Variants in KCNJ13 observed in about 807,000 individuals in gnomAD.
KCNJ13 encodes potassium inwardly rectifying channel subfamily J member 13.
In KCNJ13, 9 loss-of-function variants were observed where a neutral mutation model predicts 24.6. The observed-to-expected ratio is 0.37, with a 90% confidence interval of 0.22 to 0.64. KCNJ13 has a LOEUF of 0.64. Among genes scored for constraint, KCNJ13 ranks in the 30% least tolerant of loss-of-function variants. KCNJ13 has a pLI of 0.64. For synonymous variants in KCNJ13, 148 were observed against 154.7 expected, an observed-to-expected ratio of 0.96 and a Z score of 0.32; for missense variants, 337 against 443.8, an observed-to-expected ratio of 0.76 and a Z score of 2.16.
chr2:232,768,896 T>A (rs1231049949), intron 2 of KCNJ13, 83 bp from the exon 3 acceptor site: 10 of 1,207,974 alleles, frequency 8.3e-6, no homozygotes, highest in Non-Finnish European at 1.0e-5. Flanking sequence ...GTATATCAAA[T>A]ATTTACACAT....
At position 232,768,710 on chromosome 2, in the gene KCNJ13, G is replaced by A. The variant is rs1699085467; in HGVS notation, c.564C>T (p.Ile188=). The A allele has an allele frequency of 1.2e-6, 2 of 1,603,642 alleles. No individual in the cohort carries two copies. Among genetic ancestry groups the A allele is most frequent in the Non-Finnish European group, 1.7e-6 (2 of 1,171,892 alleles). The change falls in exon 3 of 3, where the codon ATC becomes ATT. Residue 188 remains isoleucine, a synonymous_variant. Coordinates refer to ENST00000233826, the MANE Select transcript of KCNJ13 (RefSeq NM_002242.4). The part of the protein sequence containing the change: ...VAHMDGKPNL[I]FQVANTRPSP... ...TAGGTCGGGTGTTGGCCACTTGGAA[G>A]ATAAGATTAGGTTTGCCATCCATGT... is the stretch of plus-strand genomic sequence containing the variant.
At position 232,765,872 on chromosome 2, in the gene KCNJ13, T is replaced by C; in HGVS notation, c.*2319A>G. 2.1e-6 allele frequency: 1 copy of C among 465,558 alleles called. No homozygotes were observed. The allele number at this position is 465,558 out of a possible 1,614,324, so 28.8% of individuals were successfully genotyped here. On this transcript the variant is annotated 3_prime_UTR_variant, in exon 3 of 3. Transcript: ENST00000233826. ...CGACATGCCTCCAGTTTGTTGAAACTGTCATGCTATCTTTATCAGTTTCCA... is the reference window on the plus strand; with the variant it reads ...CGACATGCCTCCAGTTTGTTGAAACCGTCATGCTATCTTTATCAGTTTCCA...
chr2:232,771,574 A>C, intron 1 of KCNJ13, 196 bp from the exon 2 acceptor site: 1 of 510,734 alleles, frequency 2.0e-6, no homozygotes, highest in Non-Finnish European at 3.5e-6. Context: ...GTTACCTTAA[A>C]ATATCTCTTC....
chr2:232,766,187 T>A lies in KCNJ13; in HGVS notation c.*2004A>T, dbSNP rs1349844042. On this transcript the variant is annotated 3_prime_UTR_variant, in exon 3 of 3. Coordinates refer to ENST00000233826, the MANE Select transcript of KCNJ13 (RefSeq NM_002242.4). Reference sequence around the variant, plus strand: ...AAACTTTCTATCTCCTGCAAAAAAGTTTTGGATCACGTTTCTTATAGATTT... The same window carrying A: ...AAACTTTCTATCTCCTGCAAAAAAGATTTGGATCACGTTTCTTATAGATTT... Among the ~76,000 whole-genome samples the A allele has an allele frequency of 6.6e-6, 1 of 152,220 alleles. No individual in the cohort carries two copies. The highest frequency in any genetic ancestry group is 1.5e-5 in the Non-Finnish European group (1 of 68,028).
chr2:232,774,377 A>G (rs1699421734), intron 1 of KCNJ13, among the ~76,000 whole-genome samples: 1 of 152,180 alleles, frequency 6.6e-6, no homozygotes, highest in Admixed American at 6.6e-5. Flanking sequence ...GTTAGGAAAG[A>G]CTTCTTTCAA....
At chr2:232,773,794 ATTG>A (rs1293734657) in intron 1 of KCNJ13, among the ~76,000 whole-genome samples, 1 of 150,842 alleles carries the variant, frequency 6.6e-6, no homozygotes. Flanking sequence ...TAGTTGCTTT[ATTG>A]TTATTAAAAA....
At chr2:232,772,761 G>C (rs1363018464) in intron 1 of KCNJ13, among the ~76,000 whole-genome samples, 1 of 152,168 alleles carries the variant, frequency 6.6e-6, no homozygotes, top group Non-Finnish European at 1.5e-5. Context: ...TTCCTTTAGA[G>C]GTAGATACCC....
intron 1 of KCNJ13, among the ~76,000 whole-genome samples, chr2:232,775,884 C>T (rs1270734207): frequency 6.6e-6 from 1 of 152,126 alleles, no homozygotes; most frequent in Non-Finnish European, 1.5e-5. Context: ...TTCTCCTGCC[C>T]TCCACAATTA....
At chr2:232,769,256 C>A (rs1699116813) in intron 2 of KCNJ13, among the ~76,000 whole-genome samples, 1 of 152,102 alleles carries the variant, frequency 6.6e-6, no homozygotes, top group African/African-American at 2.4e-5. Context: ...TTTGGCCAGG[C>A]ATGGTGTCTC....
At chr2:232,776,403 T>C (rs1356785045) in intron 1 of KCNJ13, 42 bp downstream of exon 1, 11 of 1,550,616 alleles carry the variant, frequency 7.1e-6, no homozygotes, top group Admixed American at 5.2e-5. Flanking sequence ...TTTCCCTGTT[T>C]CCCATAAGGA....
Position 232,767,998 on chromosome 2 carries a change from CT to C in KCNJ13, c.*192del, listed in dbSNP as rs1699043590. 8 of 593,060 alleles carry C rather than the reference CT, an allele frequency of 1.3e-5. No homozygotes were observed. The East Asian group carries it at 2.3e-4, about 17-fold the overall frequency. 36.7% of individuals were successfully genotyped at this position (593,060 alleles called of 1,614,324 possible). A position where few individuals can be genotyped will look rare whatever the true frequency, so the allele number is the denominator to read the frequency against. On this transcript the variant is annotated 3_prime_UTR_variant, in exon 3 of 3. Transcript: ENST00000233826. ...TACATTGATTTCAGCAGGTAACAAACTTTGTAATGTAGAGTGTTATGTTTCC... is the reference window on the plus strand; with the variant it reads ...TACATTGATTTCAGCAGGTAACAAACTTGTAATGTAGAGTGTTATGTTTCC...
At chr2:232,769,013 A>G (rs1391347977) in intron 2 of KCNJ13, among the ~76,000 whole-genome samples, 200 bp from the exon 3 acceptor site, 3 of 152,228 alleles carry the variant, frequency 2.0e-5, no homozygotes, top group Admixed American at 1.3e-4. Flanking sequence ...TTTAAAAACC[A>G]TGATTTCAGA....
chr2:232,770,447 A>C (rs531547454), intron 2 of KCNJ13, among the ~76,000 whole-genome samples: 19 of 152,228 alleles, frequency 1.2e-4, no homozygotes, highest in Non-Finnish European at 2.5e-4. Context: ...GTAAATGTTG[A>C]AAAGATGAAC....
In KCNJ13 at chr2:232,765,964, C is replaced by T. The variant is rs1447917566; in HGVS notation, c.*2227G>A. 6 of 465,496 alleles carry T rather than the reference C, an allele frequency of 1.3e-5. No individual in the cohort carries two copies. Among genetic ancestry groups the T allele is most frequent in the Non-Finnish European group, 2.7e-5 (6 of 224,920 alleles). 28.8% of individuals were successfully genotyped at this position (465,496 alleles called of 1,614,324 possible). ...ATGTGTGCAAGACTTCATGACCAAGCTCCCAGATGATCCAGGTTAGTGAGC... is the reference window on the plus strand; with the variant it reads ...ATGTGTGCAAGACTTCATGACCAAGTTCCCAGATGATCCAGGTTAGTGAGC... On this transcript the variant is annotated 3_prime_UTR_variant, in exon 3 of 3. Transcript: ENST00000233826.
intron 1 of KCNJ13, among the ~76,000 whole-genome samples, chr2:232,775,822 G>A (rs572338855): frequency 2.6e-5 from 4 of 152,264 alleles, no homozygotes; most frequent in East Asian, 3.9e-4. Flanking sequence ...CTATGTATTT[G>A]TTCATGTCTG....
chr2:232,772,836 T>C (rs1574863939), intron 1 of KCNJ13, among the ~76,000 whole-genome samples: 1 of 152,228 alleles, frequency 6.6e-6, no homozygotes, highest in South Asian at 2.1e-4. Flanking sequence ...TACAGACTTG[T>C]GGAGCTAGGT....
In KCNJ13 at chr2:232,766,711, T is replaced by G. The variant is rs539821748; in HGVS notation, c.*1480A>C. On this transcript the variant is annotated 3_prime_UTR_variant, in exon 3 of 3. Transcript: ENST00000233826. ...TAGACCACTCCAGAGTTCTTCTTTA[T>G]TTTCTTTTCCTTTTGGTCAAATAGT... The G allele has an allele frequency of 2.6e-5, 4 of 152,380 alleles. No homozygotes were observed. In the East Asian group the frequency reaches 7.7e-4, roughly 29 times the overall value. 9.4% of individuals were successfully genotyped at this position (152,380 alleles called of 1,614,324 possible).
At chr2:232,772,410 T>C (rs1454126677) in intron 1 of KCNJ13, among the ~76,000 whole-genome samples, 2 of 152,216 alleles carry the variant, frequency 1.3e-5, no homozygotes. Context: ...GCATTAGCTT[T>C]AAAAGTAAGT....
intron 1 of KCNJ13, among the ~76,000 whole-genome samples, chr2:232,775,861 G>A (rs1210494519): frequency 1.3e-5 from 2 of 152,134 alleles, no homozygotes; most frequent in Non-Finnish European, 2.9e-5. Context: ...TATATTGAAA[G>A]TCTTATAATG....
Sources: gnomAD v4.1 joint callset for allele counts (sites outside exome capture counted in the v4.1 genomes callset) on GRCh38, gnomAD v4.1.1 for gene constraint, MANE v1.5 for transcripts, NCBI Gene and HGNC (gene_info 2026-07-23, HGNC 2026-07-21) for gene names.